Variants in CLUAP1 observed in about 807,000 individuals in gnomAD.
CLUAP1 encodes the protein clusterin-associated protein 1.
CLUAP1 carries 50 observed loss-of-function variants against 55.0 expected under a neutral mutation model. The observed-to-expected ratio is 0.91, with a 90% CI of 0.72 to 1.15. The LOEUF is 1.15. Ranked by LOEUF, CLUAP1 falls within the 50% of genes most tolerant of loss-of-function variation. The probability of loss-of-function intolerance (pLI) is 0.00; values close to 1 mark genes in which losing one functional copy is unlikely to be tolerated. For synonymous variants in CLUAP1, 195 were observed against 175.4 expected, an observed-to-expected ratio of 1.11 and a Z score of -0.88; for missense variants, 530 against 507.6, an observed-to-expected ratio of 1.04 and a Z score of -0.42.
chr16:3,521,465 G>A (rs1011023069), intron 7 of CLUAP1, among the ~76,000 whole-genome samples: 31 of 148,088 alleles, frequency 2.1e-4, no homozygotes, highest in African/African-American at 5.2e-4. Context: ...TTGGAGTTTC[G>A]CTCTTGTTGC....
intron 11 of CLUAP1, 80 bp downstream of exon 11, chr16:3,532,921 T>C: frequency 1.3e-6 from 2 of 1,536,192 alleles, no homozygotes; most frequent in Non-Finnish European, 1.8e-6. Flanking sequence ...TGAGTTGCTG[T>C]CAGCAGCCAG....
At chr16:3,506,959 G>C (rs933804657) in intron 3 of CLUAP1, among the ~76,000 whole-genome samples, 2 of 152,244 alleles carry the variant, frequency 1.3e-5, no homozygotes, top group African/African-American at 4.8e-5. Flanking sequence ...CACTTTGGAA[G>C]GCCGAGGTGG....
At chr16:3,527,315 A>G (rs2037964288) in intron 9 of CLUAP1, among the ~76,000 whole-genome samples, 1 of 152,316 alleles carries the variant, frequency 6.6e-6, no homozygotes, top group Non-Finnish European at 1.5e-5. Context: ...AACCTAGGAA[A>G]AAACAGGCCA....
At chr16:3,523,351 T>C (rs750863329) in intron 8 of CLUAP1, 52 bp downstream of exon 8, 4 of 1,548,444 alleles carry the variant, frequency 2.6e-6, no homozygotes, top group Non-Finnish European at 3.5e-6. Context: ...TGTTATTTTG[T>C]ACTGGGTGAC....
chr16:3,526,538 T>C lies in CLUAP1; in HGVS notation c.928+54T>C, dbSNP rs183919730. 573 of 1,188,280 alleles carry C rather than the reference T, an allele frequency of 4.8e-4. 1 individual carries two copies. The highest frequency in any genetic ancestry group is 6.4e-4 in the Non-Finnish European group (542 of 849,962). 73.6% of individuals were successfully genotyped at this position (1,188,280 alleles called of 1,614,324 possible). On this transcript the variant is annotated intron_variant, in intron 9 of 11. Coordinates refer to ENST00000576634, the MANE Select transcript of CLUAP1 (RefSeq NM_015041.3). Reference sequence around the variant, plus strand: ...TTACTCTGGACTAGTATTTTCAGCCTTGAAATATATATAGAGAGATATATA... The same window carrying C: ...TTACTCTGGACTAGTATTTTCAGCCCTGAAATATATATAGAGAGATATATA...
At chr16:3,522,140 T>C (rs1357952101) in intron 7 of CLUAP1, among the ~76,000 whole-genome samples, 1 of 152,104 alleles carries the variant, frequency 6.6e-6, no homozygotes, top group Non-Finnish European at 1.5e-5. Context: ...ATTTATAATA[T>C]CCTGACAGTA....
chr16:3,536,349 A>C lies in CLUAP1; in HGVS notation c.*78A>C, dbSNP rs1473957899. 1 of 1,515,156 alleles carries C rather than the reference A, an allele frequency of 6.6e-7. No homozygotes were observed. Among genetic ancestry groups the C allele is most frequent in the Non-Finnish European group, 9.0e-7 (1 of 1,112,564 alleles). The allele number at this position is 1,515,156 out of a possible 1,614,324, so 93.9% of individuals were successfully genotyped here. ...TGGGAACTTAGAAGGTTAGGAAGGT[A>C]ACCCCTGTTTTGTTTACTAAGCTGG... is the stretch of plus-strand genomic sequence containing the variant. On this transcript the variant is annotated 3_prime_UTR_variant, in exon 12 of 12. Coordinates refer to ENST00000576634, the MANE Select transcript of CLUAP1 (RefSeq NM_015041.3).
rs2038113790 is a variant in CLUAP1 at position 3,531,347 on chromosome 16, C to T, written c.1036+672C>T. 2.0e-5 allele frequency among the ~76,000 whole-genome samples: 3 copies of T among 152,076 alleles called. 1 individual carries two copies. The South Asian group carries it at 6.2e-4, about 32-fold the overall frequency. On this transcript the variant is annotated intron_variant, in intron 10 of 11. Coordinates refer to ENST00000576634, the MANE Select transcript of CLUAP1 (RefSeq NM_015041.3). ...CATCCTGGCTAACACGGTGAAACCCCGTCTCTACTAAAAATAAAAAAAAAA... is the reference window on the plus strand; with the variant it reads ...CATCCTGGCTAACACGGTGAAACCCTGTCTCTACTAAAAATAAAAAAAAAA...
At chr16:3,526,751 AGTCTG>A (rs1443408669) in intron 9 of CLUAP1, among the ~76,000 whole-genome samples, 1 of 152,178 alleles carries the variant, frequency 6.6e-6, no homozygotes, top group Non-Finnish European at 1.5e-5. Flanking sequence ...TTCACTCAAG[AGTCTG>A]GTTTAAATAT....
At chr16:3,517,268 C>T (rs1184139350) in intron 6 of CLUAP1, among the ~76,000 whole-genome samples, 1 of 151,904 alleles carries the variant, frequency 6.6e-6, no homozygotes, top group African/African-American at 2.4e-5. Flanking sequence ...CACACCACTA[C>T]ACCCAGCTAA....
upstream of CLUAP1, among the ~76,000 whole-genome samples, chr16:3,498,935 A>G (rs1024212038): frequency 2.6e-5 from 4 of 152,182 alleles, no homozygotes; most frequent in Admixed American, 2.6e-4. Context: ...ATGGAAGAAA[A>G]TATTGGCAAA....
At chr16:3,506,560 G>A in intron 3 of CLUAP1, 145 bp downstream of exon 3, 1 of 667,700 alleles carries the variant, frequency 1.5e-6, no homozygotes, top group African/African-American at 1.8e-5. Context: ...CCAGGCCGGA[G>A]TGCAGTGGCA....
At chr16:3,525,335 G>T (rs1231117034) in intron 8 of CLUAP1, among the ~76,000 whole-genome samples, 1 of 152,106 alleles carries the variant, frequency 6.6e-6, no homozygotes, top group Non-Finnish European at 1.5e-5. Flanking sequence ...CAGAGTGGCA[G>T]GTAGGTGGCC....
At chr16:3,525,541 C>T (rs1335061347) in intron 8 of CLUAP1, among the ~76,000 whole-genome samples, 1 of 151,858 alleles carries the variant, frequency 6.6e-6, no homozygotes, top group East Asian at 1.9e-4. Flanking sequence ...GTCTGTCCCT[C>T]CCCCCCACTC....
At chr16:3,520,278 G>C (rs933994425) in intron 7 of CLUAP1, among the ~76,000 whole-genome samples, 1 of 151,956 alleles carries the variant, frequency 6.6e-6, no homozygotes. Flanking sequence ...AGGCTGAGGC[G>C]GGAGGATTGC....
chr16:3,528,113 C>T (rs530302280), intron 9 of CLUAP1, among the ~76,000 whole-genome samples: 7 of 152,334 alleles, frequency 4.6e-5, no homozygotes, highest in South Asian at 4.1e-4. Flanking sequence ...TACCCTACAT[C>T]CCTGAACTTC....
intron 1 of CLUAP1, among the ~76,000 whole-genome samples, chr16:3,503,652 A>C (rs2037450484): frequency 6.6e-6 from 1 of 152,150 alleles, no homozygotes; most frequent in Non-Finnish European, 1.5e-5. Flanking sequence ...GCTGGAGTGC[A>C]GTCACATGAT....
intron 9 of CLUAP1, among the ~76,000 whole-genome samples, chr16:3,527,256 G>C (rs1444175500): frequency 6.6e-6 from 1 of 152,048 alleles, no homozygotes; most frequent in African/African-American, 2.4e-5. Context: ...TTAGTTTATA[G>C]CAATTACTCT....
Position 3,530,581 on chromosome 16 carries a change from G to T in CLUAP1, c.942G>T (p.Ser314=), listed in dbSNP as rs751331352. The T allele has an allele frequency of 1.2e-6, 2 of 1,613,686 alleles. No individual in the cohort carries two copies. The highest frequency in any genetic ancestry group is 1.7e-6 in the Non-Finnish European group (2 of 1,179,798). ...TGTTCCTGCTAGGTAACGATGACTC[G>T]GACATAGACATCCAGGAGGACGATG... ...RLLKSGSNDD[S]DIDIQEDDES... The change falls in exon 10 of 12, where the codon TCG becomes TCT. Residue 314 remains serine (S), a synonymous_variant. Transcript: ENST00000576634.
Sources: gnomAD v4.1 joint callset for allele counts (sites outside exome capture counted in the v4.1 genomes callset) on GRCh38, gnomAD v4.1.1 for gene constraint, MANE v1.5 for transcripts, NCBI Gene and HGNC (gene_info 2026-07-23, HGNC 2026-07-21) for gene names.